ARFGAP1: variants seen among roughly 807,000 people sequenced by gnomAD.
ARFGAP1 encodes the protein ARF GTPase activating protein 1.
A neutral mutation model predicts 54.0 loss-of-function variants in ARFGAP1; 26 were observed. The observed-to-expected ratio is 0.48, with a 90% CI of 0.35 to 0.67. The LOEUF is 0.67. Ranked by LOEUF, ARFGAP1 falls within the 30% of genes least tolerant of loss-of-function variation. The pLI, the probability that ARFGAP1 is intolerant of heterozygous loss-of-function variation, is 0.00. For synonymous variants in ARFGAP1, 248 were observed against 211.9 expected (o/e 1.17, Z -1.48); for missense variants, 525 against 535.8 (o/e 0.98, Z 0.20).
intron 8 of ARFGAP1, 22 bp downstream of exon 8, chr20:63,281,369 G>T (rs1265443898): frequency 1.3e-6 from 2 of 1,583,100 alleles, no homozygotes; most frequent in Non-Finnish European, 1.7e-6. Flanking sequence ...CCCCTGCCAT[G>T]CCACCGTCCC....
At chr20:63,277,349 C>T in intron 5 of ARFGAP1, 44 bp downstream of exon 5, 1 of 1,516,260 alleles carries the variant, frequency 6.6e-7, no homozygotes, top group South Asian at 1.2e-5. Flanking sequence ...CCACTGGGTC[C>T]TGAACTTAGT....
chr20:63,284,633 A>G, intron 9 of ARFGAP1: 2 of 1,379,708 alleles, frequency 1.4e-6, no homozygotes, highest in Non-Finnish European at 1.9e-6. Context: ...CTGGAGGGGG[A>G]CCTTCCTGCA....
chr20:63,281,599 G>T (rs887390239), intron 8 of ARFGAP1, among the ~76,000 whole-genome samples: 1 of 152,162 alleles, frequency 6.6e-6, no homozygotes, highest in African/African-American at 2.4e-5. Flanking sequence ...AAGGGGTCCC[G>T]CCCTGATGAA....
At chr20:63,283,392 C>T (rs900438138) in intron 9 of ARFGAP1, 9 of 196,266 alleles carry the variant, frequency 4.6e-5, no homozygotes, top group East Asian at 1.4e-4. Context: ...TGGCTGTCCT[C>T]GGGTTCAGAA....
rs759377194 is a variant in ARFGAP1, at chr20:63,287,659, A to T, written c.1007A>T (p.Glu336Val). Residue 336 changes from glutamate (E) to valine (V), a missense_variant, in exon 13 of 13, where the codon GAG becomes GTG. Physicochemically the swap from Glu to Val is moderately radical, Grantham distance 121. Transcript: ENST00000370283. ...TTCTGGGAGACCTTTGGAAGTGCTG[A>T]GCCCACCAAGACCCGCAAGTCCCCG... ...QSFWETFGSAEPTKTRKSPSS... is the reference protein window; with the variant it reads ...QSFWETFGSAVPTKTRKSPSS... The T allele has an allele frequency of 6.2e-7, 1 of 1,612,460 alleles. No homozygotes were observed. Among genetic ancestry groups the T allele is most frequent in the African/African-American group, 1.3e-5 (1 of 74,900 alleles).
At chr20:63,273,738 GA>G (rs1411142386) in intron 1 of ARFGAP1, among the ~76,000 whole-genome samples, 1 of 152,156 alleles carries the variant, frequency 6.6e-6, no homozygotes, top group East Asian at 1.9e-4. Flanking sequence ...TGTGTCTGTT[GA>G]CCAATACATA....
At position 63,278,970 on chromosome 20, in the gene ARFGAP1, A is replaced by G. The variant is rs745403727; in HGVS notation, c.602A>G (p.Asn201Ser). Residue 201 changes from asparagine (N) to serine (S), a missense_variant, in exon 7 of 13, where the codon AAC (asparagine) becomes AGC (serine). Coordinates refer to ENST00000370283, the MANE Select transcript of ARFGAP1 (RefSeq NM_018209.4). ...CAGAAGAAAGAAGATGACTTCCTCAACAACGCCATGTCCTCCCTGTACTCG... is the reference window on the plus strand; with the variant it reads ...CAGAAGAAAGAAGATGACTTCCTCAGCAACGCCATGTCCTCCCTGTACTCG... ...PPQKKEDDFL[N>S]NAMSSLYSGW... 6.8e-6 allele frequency: 11 copies of G among 1,613,964 alleles called. No homozygotes were observed. Among genetic ancestry groups the G allele is most frequent in the Admixed American group, 5.0e-5 (3 of 60,012 alleles).
intron 1 of ARFGAP1, among the ~76,000 whole-genome samples, chr20:63,273,751 G>A (rs1396955077): frequency 6.6e-6 from 1 of 152,160 alleles, no homozygotes; most frequent in Admixed American, 6.5e-5. Flanking sequence ...CAATACATAA[G>A]CCCCGAGGGC....
intron 11 of ARFGAP1, 156 bp downstream of exon 11, chr20:63,285,869 G>C: frequency 7.0e-7 from 1 of 1,428,742 alleles, no homozygotes; most frequent in Non-Finnish European, 9.5e-7. Context: ...CAGCCTGACA[G>C]CCCGAGGGAT....
At chr20:63,279,739 A>G (rs1568735181) in intron 7 of ARFGAP1, among the ~76,000 whole-genome samples, 2 of 152,210 alleles carry the variant, frequency 1.3e-5, no homozygotes, top group Non-Finnish European at 2.9e-5. Context: ...TGGAAGCTCC[A>G]GGTCAGATGT....
At chr20:63,279,639 C>T (rs1359622161) in intron 7 of ARFGAP1, among the ~76,000 whole-genome samples, 6 of 152,210 alleles carry the variant, frequency 3.9e-5, no homozygotes, top group Non-Finnish European at 8.8e-5. Context: ...CATTGGGAAG[C>T]TGGCTCTGTG....
Position 63,276,168 on chromosome 20 carries a change from G to C in ARFGAP1, c.138G>C (p.Ser46=), listed in dbSNP as rs1007342018. 1 of 1,613,778 alleles carries C rather than the reference G, an allele frequency of 6.2e-7. No homozygotes were observed. Among genetic ancestry groups the C allele is most frequent in the African/African-American group, 1.3e-5 (1 of 74,920 alleles). The part of the protein sequence containing the change: ...TYGIWICLEC[S]GRHRGLGVHL... ...GCATCTGGATCTGCCTGGAGTGCTCGGGGAGACACCGCGGGCTTGGGGTTC... is the reference window on the plus strand; with the variant it reads ...GCATCTGGATCTGCCTGGAGTGCTCCGGGAGACACCGCGGGCTTGGGGTTC... The change falls in exon 3 of 13, where the codon TCG becomes TCC. Residue 46 remains serine, a synonymous_variant. Coordinates refer to ENST00000370283, the MANE Select transcript of ARFGAP1 (RefSeq NM_018209.4). This position sits in a 1 kb window ranked among gnomAD's most constrained non-coding sequence, Gnocchi z 5.2.
In ARFGAP1 at chr20:63,278,912, C is replaced by T. The variant is rs763879486; in HGVS notation, c.544C>T (p.Arg182Cys). ...LGSYQGAQGNRYVGFGNTPPP... is the reference protein window; with the variant it reads ...LGSYQGAQGNCYVGFGNTPPP... ...CTTTGTTTTCAGGGCCCAGGGGAAT[C>T]GCTACGTGGGGTTTGGGAACACGCC... The change falls in exon 7 of 13, where the codon CGC (arginine) becomes TGC (cysteine). Residue 182 changes from arginine to cysteine, a missense_variant. Coordinates refer to ENST00000370283, the MANE Select transcript of ARFGAP1 (RefSeq NM_018209.4). The T allele has an allele frequency of 2.5e-6, 4 of 1,614,018 alleles. No homozygotes were observed. The highest frequency in any genetic ancestry group is 1.7e-6 in the Non-Finnish European group (2 of 1,180,012).
intron 9 of ARFGAP1, 68 bp downstream of exon 9, chr20:63,282,919 C>T: frequency 1.3e-6 from 2 of 1,554,410 alleles, no homozygotes; most frequent in East Asian, 2.2e-5. Context: ...TCACGTGCAG[C>T]ACCTGAAGCT....
rs748339189 is a variant in ARFGAP1 at position 63,276,109 on chromosome 20, G to A, written c.79G>A (p.Ala27Thr). ...DENNVCFECG[A>T]FNPQWVSVTY... ...TTTGCAGGTTTGTTTTGAGTGTGGC[G>A]CGTTCAATCCTCAGTGGGTCAGTGT... The change falls in exon 3 of 13, where the codon GCG becomes ACG. Residue 27 changes from alanine (A) to threonine (T), a missense_variant. By Grantham distance (58) the Ala-to-Thr change is moderately conservative (BLOSUM62 0). This residue lies in a region of ARFGAP1 where 39 missense variants were observed against 40.4 expected (regional missense o/e 0.97). Coordinates refer to ENST00000370283, the MANE Select transcript of ARFGAP1 (RefSeq NM_018209.4). The surrounding 1 kb of genome is among the most constrained non-coding windows in gnomAD (Gnocchi z 5.2). 7 of 1,614,008 alleles carry A rather than the reference G, an allele frequency of 4.3e-6. No individual in the cohort carries two copies. Among genetic ancestry groups the A allele is most frequent in the Admixed American group, 1.7e-5 (1 of 60,022 alleles).
chr20:63,272,925 G>A lies in ARFGAP1; in HGVS notation c.-5+5G>A, dbSNP rs2067139946. ...CCTGCCCGCCCCTCCCTCCAGGTAA[G>A]CGCGCGGCTCGGCGGCGCGGGCTCG... On this transcript the variant is annotated splice_donor_5th_base_variant and intron_variant, in intron 1 of 12. Transcript: ENST00000370283. The A allele has an allele frequency of 6.7e-6, 1 of 150,100 alleles. No homozygotes were observed. Among genetic ancestry groups the A allele is most frequent in the Non-Finnish European group, 1.5e-5 (1 of 67,676 alleles). The allele number at this position is 150,100 out of a possible 1,614,324, so 9.3% of individuals were successfully genotyped here.
intron 1 of ARFGAP1, among the ~76,000 whole-genome samples, chr20:63,275,234 CCCCTTG>C (rs1399188533): frequency 2.6e-5 from 4 of 152,222 alleles, no homozygotes; most frequent in Non-Finnish European, 5.9e-5. Flanking sequence ...TTAAAGACTA[CCCCTTG>C]CTGTGGATTT....
chr20:63,282,841 C>A lies in ARFGAP1; in HGVS notation c.707C>A (p.Ala236Glu), dbSNP rs371754239. The A allele has an allele frequency of 4.9e-5, 79 of 1,613,940 alleles. No homozygotes were observed. Among genetic ancestry groups the A allele is most frequent in the Non-Finnish European group, 5.8e-5 (69 of 1,180,022 alleles). Reference protein sequence around the residue: ...KEGATKFGSQASQKASELGHS... With the variant: ...KEGATKFGSQESQKASELGHS... ...TAGGCTACAAAGTTTGGATCCCAAG[C>A]GAGTCAGAAGGTAACAGAGGAGAAG... Residue 236 changes from alanine (A) to glutamate (E), a missense_variant, in exon 9 of 13, where the codon GCG (alanine) becomes GAG (glutamate). Transcript: ENST00000370283.
At chr20:63,281,925 C>T (rs1441495209) in intron 8 of ARFGAP1, among the ~76,000 whole-genome samples, 1 of 152,116 alleles carries the variant, frequency 6.6e-6, no homozygotes, top group Non-Finnish European at 1.5e-5. Flanking sequence ...AGCTGGGTGC[C>T]TGCAGCTGCC....
Sources: gnomAD v4.1 joint callset for allele counts (sites outside exome capture counted in the v4.1 genomes callset) on GRCh38, gnomAD v4.1.1 for gene constraint, gnomAD v4.1.1 regional missense constraint, Gnocchi (gnomAD v3.1) non-coding constraint, MANE v1.5 for transcripts, NCBI Gene and HGNC (gene_info 2026-07-23, HGNC 2026-07-21) for gene names.